The following UBAP1 variants were observed in gnomAD, a reference collection of about 807,000 sequenced individuals.
The protein encoded by UBAP1 is ubiquitin-associated protein 1.
Under a neutral mutation model 39.0 loss-of-function variants are expected in UBAP1, and 5 were observed. That is an observed-to-expected ratio of 0.13 (90% CI 0.07 to 0.27). The LOEUF (loss-of-function observed/expected upper bound fraction) is 0.27. Among genes scored for constraint, UBAP1 ranks in the 10% least tolerant of loss-of-function variants. The pLI is 1.00. For synonymous variants in UBAP1, 211 were observed against 225.1 expected, an observed-to-expected ratio of 0.94 and a Z score of 0.56; for missense variants, 490 against 608.1, an observed-to-expected ratio of 0.81 and a Z score of 2.04.
At chr9:34,250,785 A>G (rs764147339) in intron 6 of UBAP1, 26 bp downstream of exon 6, 1 of 1,594,622 alleles carries the variant, frequency 6.3e-7, no homozygotes, top group Non-Finnish European at 8.6e-7. Context: ...TTTCTTGGGA[A>G]CCCTCTGGAA....
chr9:34,234,944 TAGG>T (rs1301714566), intron 3 of UBAP1, among the ~76,000 whole-genome samples: 7 of 152,176 alleles, frequency 4.6e-5, no homozygotes, highest in African/African-American at 1.7e-4. Flanking sequence ...ATTGTGATCA[TAGG>T]AGATGACAGC....
chr9:34,189,533 C>T (rs1830603159), intron 1 of UBAP1, among the ~76,000 whole-genome samples: 1 of 151,962 alleles, frequency 6.6e-6, no homozygotes, highest in Non-Finnish European at 1.5e-5. Flanking sequence ...AGTGATCTGG[C>T]TGCATGGGTG....
chr9:34,192,509 C>A (rs1318018933), intron 1 of UBAP1, among the ~76,000 whole-genome samples: 1 of 105,892 alleles, frequency 9.4e-6, no homozygotes, highest in African/African-American at 3.3e-5. Context: ...GAATGAGACT[C>A]CATCTCAAAA....
intron 1 of UBAP1, among the ~76,000 whole-genome samples, chr9:34,213,241 C>T (rs1401226315): frequency 6.6e-6 from 1 of 152,070 alleles, no homozygotes; most frequent in African/African-American, 2.4e-5. Context: ...TGCAGTGGCT[C>T]ACATCACACC....
chr9:34,210,761 G>A (rs545039026), intron 1 of UBAP1, among the ~76,000 whole-genome samples: 1 of 149,368 alleles, frequency 6.7e-6, no homozygotes, highest in African/African-American at 2.5e-5. Context: ...GTTTTCTATA[G>A]GTATACTAGT....
In UBAP1 at chr9:34,241,884, T is replaced by C; in HGVS notation, c.859T>C (p.Phe287Leu). 1 of 1,614,142 alleles carries C rather than the reference T, an allele frequency of 6.2e-7. No homozygotes were observed. The highest frequency in any genetic ancestry group is 1.6e-4 in the Middle Eastern group (1 of 6,062). ...GAAGACAGCCAAGCTGGCGAGCACT[T>C]TCCATAGCACATCCTGCCTCCGCAA... ...NQKTAKLAST[F>L]HSTSCLRNGT... Residue 287 changes from phenylalanine to leucine, a missense_variant, in exon 4 of 7, where the codon TTC (phenylalanine) becomes CTC (leucine). By Grantham distance (22) the Phe-to-Leu change is conservative. Around this residue, in one of 3 missense-constraint regions of UBAP1, gnomAD observed 339 missense variants for 390.0 expected, o/e 0.87. Transcript: ENST00000297661.
At chr9:34,189,727 C>G (rs112909089) in intron 1 of UBAP1, among the ~76,000 whole-genome samples, 2 of 152,040 alleles carry the variant, frequency 1.3e-5, no homozygotes, top group African/African-American at 4.8e-5. Context: ...GCCTCTGCCT[C>G]TTGGGTTCAA....
chr9:34,182,681 T>TTCTTTCTTTCTCTCTC (rs1491429494), intron 1 of UBAP1, among the ~76,000 whole-genome samples: 53 of 115,580 alleles, frequency 4.6e-4, no homozygotes, highest in East Asian at 7.7e-4. Flanking sequence ...CTTTCTTTCT[T>TTCTTTCTTTCTCTCTC]TCTCTCTCTC....
At chr9:34,218,236 G>C (rs545071388) in intron 1 of UBAP1, among the ~76,000 whole-genome samples, 2 of 97,102 alleles carry the variant, frequency 2.1e-5, no homozygotes, top group African/African-American at 8.4e-5. Flanking sequence ...TGGTGACAGA[G>C]CGAGACTCCA....
rs181080930 is a variant in UBAP1, at chr9:34,215,786, T to C, written c.-7-5122T>C. ...ACACACACATACATGTATGTACATA[T>C]ATATAAAAGATGTTCTGGGGGAAGA... On this transcript the variant is annotated intron_variant, in intron 1 of 6. Coordinates refer to ENST00000297661, the MANE Select transcript of UBAP1 (RefSeq NM_016525.5). Among the ~76,000 whole-genome samples, 51 of 152,080 alleles carry C rather than the reference T, an allele frequency of 3.4e-4. No homozygotes were observed. In the East Asian group the frequency reaches 5.2e-3, roughly 16 times the overall value.
intron 3 of UBAP1, among the ~76,000 whole-genome samples, chr9:34,240,141 C>G (rs746885545): frequency 6.6e-6 from 1 of 152,184 alleles, no homozygotes; most frequent in South Asian, 2.1e-4. Context: ...GTCATTGCCA[C>G]TGCTCTTTTC....
At chr9:34,240,688 G>A (rs1833910957) in intron 3 of UBAP1, among the ~76,000 whole-genome samples, 1 of 152,164 alleles carries the variant, frequency 6.6e-6, no homozygotes, top group South Asian at 2.1e-4. Context: ...TGGTTTAAGA[G>A]CATAGAATCT....
At chr9:34,236,554 C>A (rs4879765) in intron 3 of UBAP1, among the ~76,000 whole-genome samples, 1 of 151,850 alleles carries the variant, frequency 6.6e-6, no homozygotes, top group Admixed American at 6.6e-5. Context: ...GGCCCTGTAC[C>A]TCACACAGAC....
At chr9:34,193,160 A>G (rs922795207) in intron 1 of UBAP1, among the ~76,000 whole-genome samples, 3 of 151,970 alleles carry the variant, frequency 2.0e-5, no homozygotes, top group Admixed American at 6.6e-5. Context: ...AATACAAAAA[A>G]TTAGCCAGGC....
chr9:34,198,220 G>C (rs538105168), intron 1 of UBAP1, among the ~76,000 whole-genome samples: 1 of 152,188 alleles, frequency 6.6e-6, no homozygotes, highest in Non-Finnish European at 1.5e-5. Context: ...GAATTTCCCC[G>C]GTCAGGTGAG....
intron 1 of UBAP1, among the ~76,000 whole-genome samples, chr9:34,184,964 C>T (rs546730363): frequency 1.4e-3 from 177 of 124,182 alleles, no homozygotes; most frequent in African/African-American, 5.3e-3. Context: ...GATGAAGTCT[C>T]GCTCTTATTC....
At chr9:34,196,473 G>A (rs989507034) in intron 1 of UBAP1, among the ~76,000 whole-genome samples, 2 of 151,556 alleles carry the variant, frequency 1.3e-5, no homozygotes, top group African/African-American at 2.4e-5. Flanking sequence ...GCATCACCAC[G>A]CCCGGCTAAT....
chr9:34,242,118 T>A lies in UBAP1; in HGVS notation c.1083+10T>A. On this transcript the variant is annotated intron_variant, in intron 4 of 6. Transcript: ENST00000297661. ...AAATACTGGTCCCACGGTAAGTCTT[T>A]TAAATCCCCCGCCGACTCCCATATT... 1 of 1,570,162 alleles carries A rather than the reference T, an allele frequency of 6.4e-7. No individual in the cohort carries two copies.
intron 1 of UBAP1, among the ~76,000 whole-genome samples, chr9:34,209,273 C>G (rs1831889633): frequency 6.6e-6 from 1 of 152,104 alleles, no homozygotes; most frequent in South Asian, 2.1e-4. Flanking sequence ...GGAAATTTAT[C>G]ATGGTTTTCT....
Sources: allele counts gnomAD v4.1 joint callset (sites outside exome capture counted in the v4.1 genomes callset), GRCh38; gene constraint gnomAD v4.1.1; regional missense constraint gnomAD v4.1.1; transcripts MANE v1.5; gene names NCBI Gene and HGNC (gene_info 2026-07-23, HGNC 2026-07-21).